Variants in IL13RA1 observed in about 807,000 individuals in gnomAD.
IL13RA1 encodes the protein interleukin-13 receptor subunit alpha-1.
A neutral mutation model predicts 33.8 loss-of-function variants in IL13RA1; 14 were observed. That is an observed-to-expected ratio of 0.41 (90% CI 0.27 to 0.65). The LOEUF is 0.65. Among genes scored for constraint, IL13RA1 ranks in the 30% least tolerant of loss-of-function variants. The pLI, the probability that IL13RA1 is intolerant of heterozygous loss-of-function variation, is 0.28. For missense variants in IL13RA1, 313 were observed against 327.0 expected (o/e 0.96, Z 0.33); for synonymous variants, 116 against 115.7 (o/e 1.00, Z -0.02).
intron 4 of IL13RA1, among the ~76,000 whole-genome samples, chrX:118,750,281 C>T (rs1477294128): frequency 9.0e-6 from 1 of 111,077 alleles, no homozygotes; most frequent in Non-Finnish European, 1.9e-5. Flanking sequence ...CTCCCCCAAT[C>T]CTCTAACCTC....
rs2017529933 is a variant in IL13RA1, at chrX:118,756,350, TTGTC to T, written c.489-1702_489-1699del. Among the ~76,000 whole-genome samples the T allele has an allele frequency of 2.7e-5, 3 of 111,785 alleles. No homozygotes were observed. The Admixed American group carries it at 2.9e-4, about 11-fold the overall frequency. On this transcript the variant is annotated intron_variant, in intron 4 of 10. Transcript: ENST00000371666. ...TAAAAAAAAAAGTGTAATAAACACA[TTGTC>T]TGCCTGCGCTGGGCTAGGTGCTGAT...
At chrX:118,772,333 A>G (rs2147391383) in intron 8 of IL13RA1, among the ~76,000 whole-genome samples, 1 of 112,732 alleles carries the variant, frequency 8.9e-6, no homozygotes, top group African/African-American at 3.2e-5. Context: ...TTGGATCTGG[A>G]AAAAATTTTT....
rs146990173 is a variant in IL13RA1 at position 118,789,423 on chromosome X, A to G, written c.1192-2339A>G. 3.7e-4 allele frequency among the ~76,000 whole-genome samples: 42 copies of G among 112,163 alleles called. No individual in the cohort carries two copies. The East Asian group carries it at 0.011, about 30-fold the overall frequency. On this transcript the variant is annotated intron_variant, in intron 10 of 10. Transcript: ENST00000371666. ...ACCATACTTTTGCCAATATGATATT[A>G]CCTAATTTTAAAATTCTTGCCAAGT...
intron 1 of IL13RA1, among the ~76,000 whole-genome samples, chrX:118,738,342 A>T (rs770206587): frequency 8.9e-6 from 1 of 111,842 alleles, no homozygotes; most frequent in African/African-American, 3.2e-5. Flanking sequence ...GGTACCCAAC[A>T]GGTGGTTCTT....
At chrX:118,801,496 T>C in the IL13RA1 span, among the ~76,000 whole-genome samples, 1 of 112,200 alleles carries the variant, frequency 8.9e-6, no homozygotes, top group African/African-American at 3.2e-5. Context: ...TAGTTGTACA[T>C]TGGACATCCT....
intron 2 of IL13RA1, among the ~76,000 whole-genome samples, chrX:118,744,371 G>A (rs963709582): frequency 1.8e-5 from 2 of 111,205 alleles, no homozygotes; most frequent in Non-Finnish European, 3.8e-5. Flanking sequence ...CATAAGGTTC[G>A]GATTTAGATA....
chrX:118,795,066 C>CA (rs2018019617), downstream of IL13RA1, among the ~76,000 whole-genome samples: 2 of 108,953 alleles, frequency 1.8e-5, no homozygotes, highest in African/African-American at 3.4e-5. Context: ...ACTAAAAATA[C>CA]AAAAAAATTA....
Position 118,747,710 on chromosome X carries a change from A to G in IL13RA1, c.367+618A>G, listed in dbSNP as rs1048338432. Among the ~76,000 whole-genome samples the G allele has an allele frequency of 3.6e-5, 4 of 111,040 alleles. No individual in the cohort carries two copies. The East Asian group carries it at 8.4e-4, about 23-fold the overall frequency. On this transcript the variant is annotated intron_variant, in intron 3 of 10. Transcript: ENST00000371666. ...AAGCTGTCAAGTAGTGAGGATGATCATTGTTCCCCAATCCCACCTCTCCCA... is the reference window on the plus strand; with the variant it reads ...AAGCTGTCAAGTAGTGAGGATGATCGTTGTTCCCCAATCCCACCTCTCCCA...
chrX:118,797,037 T>C (rs944840350), downstream of IL13RA1, among the ~76,000 whole-genome samples: 8 of 112,157 alleles, frequency 7.1e-5, no homozygotes, highest in African/African-American at 2.3e-4. Context: ...ACTTTCTCTG[T>C]CTGGGTCTGT....
At chrX:118,745,710 A>G (rs1194891470) in intron 2 of IL13RA1, among the ~76,000 whole-genome samples, 1 of 111,738 alleles carries the variant, frequency 8.9e-6, no homozygotes, top group East Asian at 2.8e-4. Flanking sequence ...GGCCGTCAAC[A>G]TGTAGATGAA....
At chrX:118,748,095 T>A (rs1208580077) in intron 3 of IL13RA1, among the ~76,000 whole-genome samples, 3 of 101,367 alleles carry the variant, frequency 3.0e-5, no homozygotes, top group African/African-American at 1.1e-4. Flanking sequence ...TAATATATAT[T>A]ATATACATTA....
At chrX:118,798,651 G>T (rs1021715823), downstream of IL13RA1, among the ~76,000 whole-genome samples, 4 of 112,237 alleles carry the variant, frequency 3.6e-5, no homozygotes, top group African/African-American at 6.5e-5. Context: ...CCCCTTCTTG[G>T]ATTATGCCCT....
chrX:118,776,546 T>TG (rs1227682973), intron 10 of IL13RA1, 35 bp downstream of exon 10: 2 of 468,572 alleles, frequency 4.3e-6, no homozygotes, highest in East Asian at 3.8e-5. Flanking sequence ...GAAATGTTTT[T>TG]TTTTTTTTTT....
chrX:118,754,882 A>G (rs2017510081), intron 4 of IL13RA1, among the ~76,000 whole-genome samples: 1 of 109,038 alleles, frequency 9.2e-6, no homozygotes, highest in African/African-American at 3.3e-5. Context: ...ATCACATCAA[A>G]CAAACTGCCA....
intron 8 of IL13RA1, among the ~76,000 whole-genome samples, chrX:118,769,067 T>A (rs1434605405): frequency 8.9e-6 from 1 of 112,156 alleles, no homozygotes; most frequent in Non-Finnish European, 1.9e-5. Flanking sequence ...ACCATGGTCT[T>A]TTATAACCTA....
chrX:118,749,467 G>T (rs2017447142), intron 3 of IL13RA1, among the ~76,000 whole-genome samples, 191 bp from the exon 4 acceptor site: 2 of 111,855 alleles, frequency 1.8e-5, no homozygotes, highest in Admixed American at 9.5e-5. Flanking sequence ...TAAGAGAGAA[G>T]GTTGTGAACA....
At chrX:118,801,176 G>A in the IL13RA1 span, among the ~76,000 whole-genome samples, 294 of 112,583 alleles carry the variant, frequency 2.6e-3, 2 homozygotes, top group Non-Finnish European at 4.6e-3. Context: ...TTACTAATTG[G>A]AAACAATTTC....
intron 2 of IL13RA1, among the ~76,000 whole-genome samples, chrX:118,745,221 C>A (rs989526282): frequency 2.7e-5 from 3 of 111,438 alleles, no homozygotes; most frequent in Non-Finnish European, 5.7e-5. Flanking sequence ...GTCGGCAGAG[C>A]CTATATGGGA....
At position 118,747,068 on chromosome X, in the gene IL13RA1, G is replaced by C; in HGVS notation, c.343G>C (p.Glu115Gln). The change falls in exon 3 of 11, where the codon GAA becomes CAA. Residue 115 changes from glutamate (E) to glutamine (Q), a missense_variant. Glu to Gln is a conservative substitution (Grantham distance 29, BLOSUM62 2). Coordinates refer to ENST00000371666, the MANE Select transcript of IL13RA1 (RefSeq NM_001560.3). ...GAGTGAGAAGCCTAGCATTTTGGTT[G>C]AAAAATGCATCTCACCCCCAGAAGG... is the stretch of plus-strand genomic sequence containing the variant. ...NESEKPSILVEKCISPPEGDP... is the reference protein window; with the variant it reads ...NESEKPSILVQKCISPPEGDP... 1 of 1,171,218 alleles carries C rather than the reference G, an allele frequency of 8.5e-7. No homozygotes were observed. Among genetic ancestry groups the C allele is most frequent in the Non-Finnish European group, 1.2e-6 (1 of 861,488 alleles).
Sources: allele counts gnomAD v4.1 joint callset (sites outside exome capture counted in the v4.1 genomes callset), GRCh38; gene constraint gnomAD v4.1.1; transcripts MANE v1.5; gene names NCBI Gene and HGNC (gene_info 2026-07-23, HGNC 2026-07-21).